Variants in IARS2 observed in about 807,000 individuals in gnomAD.
IARS2 encodes isoleucyl-tRNA synthetase 2, mitochondrial.
IARS2 carries 56 observed loss-of-function variants against 126.3 expected under a neutral mutation model. That is an observed-to-expected ratio of 0.44 (90% confidence interval 0.36 to 0.55). The LOEUF (loss-of-function observed/expected upper bound fraction) is 0.55, where lower values mean the gene tolerates loss of function less well. Ranked by LOEUF, IARS2 falls within the 20% of genes least tolerant of loss-of-function variation. The pLI is 0.00. For synonymous variants in IARS2, 407 were observed against 441.1 expected, an observed-to-expected ratio of 0.92 and a Z score of 0.97; for missense variants, 1,127 against 1,245.9, an observed-to-expected ratio of 0.90 and a Z score of 1.44.
In IARS2 at chr1:220,126,522, C is replaced by T. The variant is rs545566163; in HGVS notation, c.1744-228C>T. On this transcript the variant is annotated intron_variant, in intron 13 of 22. Coordinates refer to ENST00000366922, the MANE Select transcript of IARS2 (RefSeq NM_018060.4). Reference sequence around the variant, plus strand: ...AAGTTAATTTCAAGGAAATAAAAACCAATTCATATTACATTGGTAAATATG... The same window carrying T: ...AAGTTAATTTCAAGGAAATAAAAACTAATTCATATTACATTGGTAAATATG... Among the ~76,000 whole-genome samples, 3 of 152,058 alleles carry T rather than the reference C, an allele frequency of 2.0e-5. No homozygotes were observed. The South Asian group carries it at 6.2e-4, about 32-fold the overall frequency.
At position 220,126,972 on chromosome 1, in the gene IARS2, C is replaced by T. The variant is rs538538546; in HGVS notation, c.1837+129C>T. On this transcript the variant is annotated intron_variant, in intron 14 of 22. Coordinates refer to ENST00000366922, the MANE Select transcript of IARS2 (RefSeq NM_018060.4). Reference sequence around the variant, plus strand: ...TTTAGAGATCTGCTATATTTTAGACCTCGAAAGACCCTTAGAGTTTACTTA... The same window carrying T: ...TTTAGAGATCTGCTATATTTTAGACTTCGAAAGACCCTTAGAGTTTACTTA... The T allele has an allele frequency of 1.1e-5, 7 of 624,786 alleles. No individual in the cohort carries two copies. In the African/African-American group the frequency reaches 1.1e-4, roughly 10 times the overall value. 38.7% of individuals were successfully genotyped at this position (624,786 alleles called of 1,614,324 possible).
intron 2 of IARS2, among the ~76,000 whole-genome samples, chr1:220,099,594 C>G (rs964754789): frequency 2.0e-5 from 3 of 152,096 alleles, no homozygotes; most frequent in Non-Finnish European, 4.4e-5. Flanking sequence ...GTGCCAGAAA[C>G]CATTCGAAAG....
Position 220,105,995 on chromosome 1 carries a change from G to T in IARS2, c.1171G>T (p.Val391Phe). Residue 391 changes from valine to phenylalanine, a missense_variant, in exon 9 of 23, where the codon GTT becomes TTT. Transcript: ENST00000366922. ...GACCATGGCAAAAGGAACGGGATTG[G>T]TTCACACAGCCCCAGCTCATGGTAT... is the stretch of plus-strand genomic sequence containing the variant. ...HVTMAKGTGLVHTAPAHGMED... is the reference protein window; with the variant it reads ...HVTMAKGTGLFHTAPAHGMED... 6.2e-7 allele frequency: 1 copy of T among 1,614,096 alleles called. No homozygotes were observed. The highest frequency in any genetic ancestry group is 1.3e-5 in the African/African-American group (1 of 75,036).
At chr1:220,125,414 G>A in intron 13 of IARS2, 75 bp downstream of exon 13, 8 of 899,554 alleles carry the variant, frequency 8.9e-6, no homozygotes, top group Non-Finnish European at 1.4e-5. Flanking sequence ...ATTCTTGAGA[G>A]TTAAAAAATT....
intron 2 of IARS2, among the ~76,000 whole-genome samples, 196 bp from the exon 3 acceptor site, chr1:220,100,293 GT>G (rs919738845): frequency 3.7e-4 from 56 of 152,140 alleles, no homozygotes; most frequent in African/African-American, 1.3e-3. Context: ...TGTGTCAATA[GT>G]TTTTTTATGA....
chr1:220,105,766 G>A, intron 8 of IARS2, 125 bp from the exon 9 acceptor site: 1 of 737,734 alleles, frequency 1.4e-6, no homozygotes. Context: ...AGGGGAAGCT[G>A]GAATTTAAGC....
intron 10 of IARS2, among the ~76,000 whole-genome samples, chr1:220,109,894 A>G (rs547091223): frequency 1.3e-5 from 2 of 152,306 alleles, no homozygotes; most frequent in East Asian, 3.9e-4. Context: ...TAAACTTCAA[A>G]TGTAGAATTC....
chr1:220,117,850 A>G (rs1465303576), intron 12 of IARS2: 1 of 525,438 alleles, frequency 1.9e-6, no homozygotes. Flanking sequence ...TCGATTTCTG[A>G]TATTGAAGTA....
chr1:220,129,233 A>C (rs1657213008), intron 14 of IARS2, among the ~76,000 whole-genome samples: 1 of 152,170 alleles, frequency 6.6e-6, no homozygotes, highest in African/African-American at 2.4e-5. Context: ...AAAAATTTTA[A>C]ATTAATTCAT....
At chr1:220,113,101 G>A (rs1656844180) in intron 11 of IARS2, among the ~76,000 whole-genome samples, 1 of 152,062 alleles carries the variant, frequency 6.6e-6, no homozygotes, top group Non-Finnish European at 1.5e-5. Flanking sequence ...CTGAGCTCGG[G>A]TGATCCGCCC....
Position 220,114,239 on chromosome 1 carries a change from C to T in IARS2, c.1480-75C>T, listed in dbSNP as rs536981563. ...TACAAACATCCAAAAGAAACAAATG[C>T]ATTTGGAAAATTGACTGTTCTAGAA... On this transcript the variant is annotated intron_variant, in intron 11 of 22. Transcript: ENST00000366922. 4 of 1,330,150 alleles carry T rather than the reference C, an allele frequency of 3.0e-6. No homozygotes were observed. In the South Asian group the frequency reaches 4.7e-5, roughly 16 times the overall value. The allele number at this position is 1,330,150 out of a possible 1,614,324, so 82.4% of individuals were successfully genotyped here.
At chr1:220,099,303 A>T (rs1656517126) in intron 2 of IARS2, among the ~76,000 whole-genome samples, 1 of 152,138 alleles carries the variant, frequency 6.6e-6, no homozygotes, top group Non-Finnish European at 1.5e-5. Flanking sequence ...GGCCCCAGAA[A>T]ATAATGAAAA....
Position 220,114,328 on chromosome 1 carries a change from G to T in IARS2, c.1494G>T (p.Lys498Asn). 1 of 1,613,670 alleles carries T rather than the reference G, an allele frequency of 6.2e-7. No individual in the cohort carries two copies. Among genetic ancestry groups the T allele is most frequent in the Non-Finnish European group, 8.5e-7 (1 of 1,179,632 alleles). ...IKTAAKELLK[K>N]VKFIPGSALN... ...ATTAATTGCAGGAATTGTTAAAAAA[G>T]GTGAAATTTATTCCTGGATCAGCAC... Residue 498 changes from lysine to asparagine, a missense_variant, in exon 12 of 23, where the codon AAG (lysine) becomes AAT (asparagine). Transcript: ENST00000366922.
chr1:220,126,774 T>C lies in IARS2; in HGVS notation c.1768T>C (p.Tyr590His), dbSNP rs370492550. ...GGTTGGTGGCCCTGATGCCTTGGAA[T>C]ATGTGCCAGGTCAGGATATTTTGGA... ...SEVGGPDALE[Y>H]VPGQDILDIW... Residue 590 changes from tyrosine (Y) to histidine (H), a missense_variant, in exon 14 of 23, where the codon TAT becomes CAT. Transcript: ENST00000366922. 1 of 1,613,408 alleles carries C rather than the reference T, an allele frequency of 6.2e-7. No individual in the cohort carries two copies.
chr1:220,100,813 T>C (rs1656555780), intron 3 of IARS2, among the ~76,000 whole-genome samples, 164 bp downstream of exon 3: 1 of 152,230 alleles, frequency 6.6e-6, no homozygotes, highest in South Asian at 2.1e-4. Flanking sequence ...TTTATTTCAT[T>C]GATTTTTGTA....
intron 12 of IARS2, among the ~76,000 whole-genome samples, chr1:220,118,582 G>C (rs1372304649): frequency 6.6e-6 from 1 of 152,034 alleles, no homozygotes; most frequent in East Asian, 1.9e-4. Context: ...ATAAAATGTA[G>C]AAACACTGGC....
chr1:220,126,910 G>A, intron 14 of IARS2, 67 bp downstream of exon 14: 1 of 1,115,212 alleles, frequency 9.0e-7, no homozygotes, highest in South Asian at 1.4e-5. Flanking sequence ...TATTTAGAAG[G>A]GATCTATAAT....
In IARS2 at chr1:220,096,253, TGAAA is replaced by T. The variant is rs750380526; in HGVS notation, c.390+33_390+36del. 8 of 1,428,730 alleles carry T rather than the reference TGAAA, an allele frequency of 5.6e-6. No individual in the cohort carries two copies. In the East Asian group the frequency reaches 6.9e-5, roughly 12 times the overall value. 88.5% of individuals were successfully genotyped at this position (1,428,730 alleles called of 1,614,324 possible). On this transcript the variant is annotated intron_variant, in intron 2 of 22. Coordinates refer to ENST00000366922, the MANE Select transcript of IARS2 (RefSeq NM_018060.4). ...TAACTATAATTTAGGTTATGACACT[TGAAA>T]GAAAGTGTTTATGTAAATACTCTTT...
chr1:220,139,217 T>C, intron 18 of IARS2, 78 bp downstream of exon 18: 1 of 1,157,972 alleles, frequency 8.6e-7, no homozygotes. Context: ...TTTATCTGAG[T>C]GGAACAGACC....
Sources: allele counts gnomAD v4.1 joint callset (sites outside exome capture counted in the v4.1 genomes callset), GRCh38; gene constraint gnomAD v4.1.1; transcripts MANE v1.5; gene names NCBI Gene and HGNC (gene_info 2026-07-23, HGNC 2026-07-21).